TDRD1: variants seen among roughly 807,000 people sequenced by gnomAD.
TDRD1 encodes the protein tudor domain containing 1, also known as tudor domain-containing protein 1.
TDRD1 carries 37 observed loss-of-function variants against 140.6 expected under a neutral mutation model. The ratio of observed to expected loss-of-function variants is 0.26; its 90% CI spans 0.20 to 0.35. TDRD1 has a LOEUF of 0.35. Ranked by LOEUF, TDRD1 falls within the 10% of genes least tolerant of loss-of-function variation. The pLI is 1.00. For missense variants in TDRD1, 1,243 were observed against 1,393.0 expected, an observed-to-expected ratio of 0.89 and a Z score of 1.71; for synonymous variants, 506 against 475.7, an observed-to-expected ratio of 1.06 and a Z score of -0.83.
rs1196271165 is a variant in TDRD1, at chr10:114,210,596, T to C, written c.1400T>C (p.Val467Ala). The C allele has an allele frequency of 6.9e-6, 11 of 1,593,254 alleles. No homozygotes were observed. The Admixed American group carries it at 1.7e-4, about 25-fold the overall frequency. The change falls in exon 12 of 26, where the codon GTT (valine) becomes GCT (alanine). Residue 467 changes from valine (V) to alanine (A), a missense_variant. Transcript: ENST00000251864. ...TTCTGATAAGGTGATCCTGAAGATG[T>C]TGGAAAAATGACAACTGAAAACAAC...
chr10:114,231,375 G>T, intron 25 of TDRD1: 1 of 906,980 alleles, frequency 1.1e-6, no homozygotes, highest in African/African-American at 1.7e-5. Context: ...GCTTAAATGC[G>T]TAATTTCAGT....
chr10:114,231,557 C>A, exon 26 of TDRD1: 2 of 1,506,574 alleles, frequency 1.3e-6, no homozygotes, highest in Non-Finnish European at 1.8e-6. Context: ...AGAGAAAGTA[C>A]AGCACCTGGT....
rs553985129 is a variant in TDRD1, at chr10:114,230,835, G to A, written c.3539-651G>A. Among the ~76,000 whole-genome samples the A allele has an allele frequency of 8.5e-5, 13 of 152,166 alleles. No individual in the cohort carries two copies. The East Asian group carries it at 1.7e-3, about 20-fold the overall frequency. ...CCCAGCACTTTTGGGAGGCTGAGGA[G>A]GGCAGGTCACATGAGGCCCAGGAGT... On this transcript the variant is annotated intron_variant, in intron 25 of 25. Transcript: ENST00000251864.
chr10:114,196,898 G>A (rs2034402409), intron 3 of TDRD1, among the ~76,000 whole-genome samples: 1 of 137,334 alleles, frequency 7.3e-6, no homozygotes, highest in Non-Finnish European at 1.5e-5. Flanking sequence ...CTGGGCTGGA[G>A]TGCAGTGGCA....
intron 4 of TDRD1, among the ~76,000 whole-genome samples, chr10:114,200,631 C>G (rs1466791173): frequency 6.6e-6 from 1 of 152,116 alleles, no homozygotes; most frequent in African/African-American, 2.4e-5. Flanking sequence ...TCAGGCGATT[C>G]TCCTGCCTCA....
intron 20 of TDRD1, 43 bp from the exon 21 acceptor site, chr10:114,222,544 A>C (rs1331609702): frequency 1.7e-6 from 2 of 1,182,344 alleles, no homozygotes; most frequent in Non-Finnish European, 2.5e-6. Flanking sequence ...TAATAGTAGC[A>C]CTGGAAATTT....
intron 11 of TDRD1, among the ~76,000 whole-genome samples, chr10:114,208,700 T>A (rs2035285536): frequency 6.6e-6 from 1 of 152,184 alleles, no homozygotes; most frequent in Non-Finnish European, 1.5e-5. Context: ...TGTGGCCTTT[T>A]ACTTAACTAC....
Position 114,202,300 on chromosome 10 carries a change from T to C in TDRD1, c.696+2T>C. Reference sequence around the variant, plus strand: ...AAGGATGTGGAGGTAAACAATAAGGTATGGTATACTTTGTCTTTAAATTTT... The same window carrying C: ...AAGGATGTGGAGGTAAACAATAAGGCATGGTATACTTTGTCTTTAAATTTT... On this transcript the variant is annotated splice_donor_variant, in intron 6 of 25. Coordinates refer to ENST00000251864, the Ensembl canonical transcript of TDRD1. LOFTEE classifies it high-confidence loss of function. The C allele has an allele frequency of 1.3e-5, 21 of 1,589,982 alleles. No homozygotes were observed. The highest frequency in any genetic ancestry group is 1.8e-5 in the Non-Finnish European group (21 of 1,166,640).
intron 24 of TDRD1, 30 bp from the exon 25 acceptor site, chr10:114,228,008 T>G: frequency 1.2e-6 from 2 of 1,610,668 alleles, no homozygotes; most frequent in Non-Finnish European, 1.7e-6. Context: ...TTTTAGAAAT[T>G]AAATCATATG....
At position 114,220,787 on chromosome 10, in the gene TDRD1, C is replaced by G. The variant is rs1480118141; in HGVS notation, c.2714C>G (p.Pro905Arg). 1.2e-6 allele frequency: 2 copies of G among 1,611,100 alleles called. No homozygotes were observed. Among genetic ancestry groups the G allele is most frequent in the Non-Finnish European group, 1.7e-6 (2 of 1,177,510 alleles). ...TCTGCTTCACCACATAAAGACTTAC[C>G]AAATGACAGACTTGTTAATAAACAT... The change falls in exon 19 of 26, where the codon CCA becomes CGA. Residue 905 changes from proline (P) to arginine (R), a missense_variant. Around this residue, in one of 5 missense-constraint regions of TDRD1, gnomAD observed 601 missense variants for 734.7 expected, o/e 0.82. Coordinates refer to ENST00000251864, the Ensembl canonical transcript of TDRD1.
chr10:114,211,006 T>A, intron 13 of TDRD1, 39 bp downstream of exon 13: 1 of 1,484,376 alleles, frequency 6.7e-7, no homozygotes, highest in Non-Finnish European at 9.1e-7. Context: ...AATTTATTTT[T>A]ATTTATTTTT....
chr10:114,216,404 T>C (rs536589565), intron 16 of TDRD1, among the ~76,000 whole-genome samples: 1 of 152,332 alleles, frequency 6.6e-6, no homozygotes, highest in African/African-American at 2.4e-5. Context: ...TTTTCTTTTT[T>C]GTTTGAGCCA....
intron 17 of TDRD1, among the ~76,000 whole-genome samples, chr10:114,217,981 A>G (rs943385774): frequency 2.6e-5 from 4 of 152,220 alleles, no homozygotes; most frequent in Non-Finnish European, 5.9e-5. Context: ...CAGTATTTTG[A>G]AAATGTAATT....
At chr10:114,177,756 G>A (rs984445043), upstream of TDRD1, among the ~76,000 whole-genome samples, 9 of 152,004 alleles carry the variant, frequency 5.9e-5, no homozygotes, top group African/African-American at 2.2e-4. Flanking sequence ...CATGCTAACA[G>A]ACCATGCTAA....
exon 14 of TDRD1, chr10:114,212,008 A>G (rs769843287): frequency 1.9e-6 from 3 of 1,611,372 alleles, no homozygotes; most frequent in African/African-American, 2.7e-5. Flanking sequence ...TGGAATTGCC[A>G]ATGCAAGCTA....
rs1484650164 is a variant in TDRD1, at chr10:114,228,591, G to GGCT, written c.3538+469_3538+471dup. 9 of 985,384 alleles carry GGCT rather than the reference G, an allele frequency of 9.1e-6. No homozygotes were observed. The South Asian group carries it at 4.2e-4, about 46-fold the overall frequency. The allele number at this position is 985,384 out of a possible 1,614,324, so 61.0% of individuals were successfully genotyped here. On this transcript the variant is annotated intron_variant, in intron 25 of 25. Transcript: ENST00000251864. Reference sequence around the variant, plus strand: ...TCTAAAGGGCCAAGAACGGAAAGTGGGCTGCACTGAGGGTATTTTTCATTT... The same window carrying GGCT: ...TCTAAAGGGCCAAGAACGGAAAGTGGGCTGCTGCACTGAGGGTATTTTTCATTT...
chr10:114,228,017 T>G (rs779136990), intron 24 of TDRD1, 21 bp from the exon 25 acceptor site: 1 of 1,610,352 alleles, frequency 6.2e-7, no homozygotes, highest in South Asian at 1.1e-5. Context: ...TTAAATCATA[T>G]GGTTTCTTTT....
intron 17 of TDRD1, among the ~76,000 whole-genome samples, chr10:114,217,933 G>A (rs1052012905): frequency 6.6e-6 from 1 of 152,160 alleles, no homozygotes; most frequent in Non-Finnish European, 1.5e-5. Context: ...GCTGTTCACA[G>A]CAGGTTCATT....
At chr10:114,210,521 ATTT>A in intron 11 of TDRD1, 57 bp from the exon 12 acceptor site, 2 of 1,372,518 alleles carry the variant, frequency 1.5e-6, no homozygotes, top group South Asian at 3.1e-5. Context: ...AGCGTGCATA[ATTT>A]TTTTTTTACT....
Sources: allele counts gnomAD v4.1 joint callset (sites outside exome capture counted in the v4.1 genomes callset), GRCh38; gene constraint gnomAD v4.1.1; regional missense constraint gnomAD v4.1.1; transcripts MANE v1.5; gene names NCBI Gene and HGNC (gene_info 2026-07-23, HGNC 2026-07-21).